The following ZBTB20 variants were observed in gnomAD, a reference collection of about 807,000 sequenced individuals.
ZBTB20 encodes the protein zinc finger and BTB domain-containing protein 20.
A neutral mutation model predicts 56.9 loss-of-function variants in ZBTB20; 9 were observed. The observed-to-expected ratio is 0.16, with a 90% CI of 0.10 to 0.28. The LOEUF (loss-of-function observed/expected upper bound fraction) is 0.28. Ranked by LOEUF, ZBTB20 falls within the 10% of genes least tolerant of loss-of-function variation. The probability of loss-of-function intolerance (pLI) is 1.00; values close to 1 mark genes in which losing one functional copy is unlikely to be tolerated. For synonymous variants in ZBTB20, 417 were observed against 420.7 expected (o/e 0.99, Z 0.11); for missense variants, 655 against 1,003.0 (o/e 0.65, Z 4.69).
intron 5 of ZBTB20, among the ~76,000 whole-genome samples, chr3:114,709,594 G>A (rs1449716724): frequency 6.6e-6 from 1 of 152,094 alleles, no homozygotes; most frequent in Non-Finnish European, 1.5e-5. Context: ...GCTTTAGGAG[G>A]GGCAAATGTT....
At chr3:114,500,541 C>A (rs535931626) in intron 6 of ZBTB20, 150 bp from the exon 7 acceptor site, 1 of 152,274 alleles carries the variant, frequency 6.6e-6, no homozygotes, top group East Asian at 1.9e-4. Flanking sequence ...TATTTTGTCA[C>A]TTCTAGCCTC....
intron 3 of ZBTB20, among the ~76,000 whole-genome samples, chr3:114,939,168 A>G (rs2076648167): frequency 6.8e-6 from 1 of 146,286 alleles, no homozygotes; most frequent in Non-Finnish European, 1.5e-5. Context: ...ACTTGTATAC[A>G]TATGATTTTA....
intron 6 of ZBTB20, among the ~76,000 whole-genome samples, chr3:114,597,039 A>G (rs1008167454): frequency 2.1e-4 from 32 of 150,230 alleles, no homozygotes; most frequent in African/African-American, 7.7e-4. Context: ...AAGCAAATTA[A>G]AAAAATATAT....
At chr3:114,546,175 C>A (rs1174370589) in intron 6 of ZBTB20, among the ~76,000 whole-genome samples, 1 of 151,786 alleles carries the variant, frequency 6.6e-6, no homozygotes, top group Non-Finnish European at 1.5e-5. Flanking sequence ...GTTTTTGGAG[C>A]CAGTCAGTCT....
At chr3:114,468,132 G>A (rs1332111570) in intron 7 of ZBTB20, among the ~76,000 whole-genome samples, 1 of 152,134 alleles carries the variant, frequency 6.6e-6, no homozygotes, top group East Asian at 1.9e-4. Context: ...CTAACTCAAA[G>A]CCAACACAGA....
intron 6 of ZBTB20, among the ~76,000 whole-genome samples, chr3:114,677,702 C>A (rs1440135029): frequency 1.3e-5 from 2 of 151,994 alleles, no homozygotes; most frequent in Non-Finnish European, 2.9e-5. Flanking sequence ...CAGGTACATG[C>A]CAAATACTGG....
At chr3:114,700,800 T>C (rs1377942864) in intron 5 of ZBTB20, among the ~76,000 whole-genome samples, 1 of 152,186 alleles carries the variant, frequency 6.6e-6, no homozygotes, top group African/African-American at 2.4e-5. Context: ...AGCAGGGACA[T>C]TGCTGCCAAA....
At chr3:114,433,654 C>CTGTGTG (rs776367089) in intron 7 of ZBTB20, among the ~76,000 whole-genome samples, 3 of 152,120 alleles carry the variant, frequency 2.0e-5, no homozygotes, top group Non-Finnish European at 4.4e-5. Context: ...GGGGATACAA[C>CTGTGTG]TGTGTGTAAG....
chr3:114,477,297 C>T (rs1195693649), intron 7 of ZBTB20, among the ~76,000 whole-genome samples: 65 of 152,116 alleles, frequency 4.3e-4, no homozygotes, highest in Non-Finnish European at 8.8e-5. Flanking sequence ...ATTGGCCTTA[C>T]TGGGCTACAT....
intron 7 of ZBTB20, among the ~76,000 whole-genome samples, chr3:114,424,551 A>C (rs1165157164): frequency 1.3e-5 from 2 of 152,224 alleles, no homozygotes; most frequent in African/African-American, 4.8e-5. Flanking sequence ...CTAATGCCAA[A>C]GCTGCCTCTT....
intron 1 of ZBTB20, among the ~76,000 whole-genome samples, chr3:115,112,451 C>G (rs1280267729): frequency 6.6e-6 from 1 of 152,072 alleles, no homozygotes; most frequent in African/African-American, 2.4e-5. Context: ...TCTCTTCATC[C>G]TCTCCCAACC....
intron 10 of ZBTB20, among the ~76,000 whole-genome samples, chr3:114,364,550 G>A (rs988975644): frequency 6.6e-6 from 1 of 152,160 alleles, no homozygotes; most frequent in Non-Finnish European, 1.5e-5. Context: ...ATGTTCGATT[G>A]TCTTACTAGC....
chr3:114,921,996 T>A (rs2075978307), intron 3 of ZBTB20, among the ~76,000 whole-genome samples: 1 of 152,078 alleles, frequency 6.6e-6, no homozygotes, highest in African/African-American at 2.4e-5. Context: ...ATTAAAAGGA[T>A]CATACACCAT....
At chr3:114,358,038 G>GT (rs1430120965) in intron 10 of ZBTB20, among the ~76,000 whole-genome samples, 3 of 152,172 alleles carry the variant, frequency 2.0e-5, no homozygotes, top group East Asian at 3.8e-4. Context: ...TTTACTCAGA[G>GT]TAAGTCCCTT....
intron 7 of ZBTB20, among the ~76,000 whole-genome samples, chr3:114,438,747 T>C (rs191629295): frequency 6.6e-6 from 1 of 152,206 alleles, no homozygotes; most frequent in East Asian, 1.9e-4. Flanking sequence ...ATAAAAAAAG[T>C]AGGGCTCCTT....
At chr3:114,537,877 C>CA (rs2048662671) in intron 6 of ZBTB20, among the ~76,000 whole-genome samples, 1 of 151,952 alleles carries the variant, frequency 6.6e-6, no homozygotes, top group Admixed American at 6.6e-5. Context: ...TAAACTAACA[C>CA]AGAAACAGGA....
chr3:114,908,173 A>G (rs2075391304), intron 3 of ZBTB20, among the ~76,000 whole-genome samples: 1 of 152,040 alleles, frequency 6.6e-6, no homozygotes, highest in African/African-American at 2.4e-5. Context: ...CATTCAAGCC[A>G]AAGAAATAGG....
chr3:114,799,043 T>C (rs2071529498), intron 5 of ZBTB20, among the ~76,000 whole-genome samples: 1 of 151,952 alleles, frequency 6.6e-6, no homozygotes, highest in African/African-American at 2.4e-5. Flanking sequence ...AAGAATATTG[T>C]GGTCATATTA....
intron 1 of ZBTB20, among the ~76,000 whole-genome samples, chr3:115,088,553 G>A: frequency 6.6e-6 from 1 of 151,752 alleles, no homozygotes; most frequent in East Asian, 1.9e-4. Context: ...TTTAAATTGT[G>A]ACTGCCCTTA....
Sources: gnomAD v4.1 joint callset for allele counts (sites outside exome capture counted in the v4.1 genomes callset) on GRCh38, gnomAD v4.1.1 for gene constraint, MANE v1.5 for transcripts, NCBI Gene and HGNC (gene_info 2026-07-23, HGNC 2026-07-21) for gene names.